The following R3HCC1L variants were observed in gnomAD, a reference collection of about 807,000 sequenced individuals.
The protein encoded by R3HCC1L is R3H domain and coiled-coil containing 1 like, also known as coiled-coil domain-containing protein R3HCC1L.
In R3HCC1L, 51 loss-of-function variants were observed where a neutral mutation model predicts 59.9. The ratio of observed to expected loss-of-function variants is 0.85; its 90% CI spans 0.68 to 1.07. R3HCC1L has a LOEUF of 1.07. R3HCC1L is among the 50% of genes least tolerant of loss of function. R3HCC1L has a pLI of 0.00. For synonymous variants in R3HCC1L, 322 were observed against 315.2 expected, an observed-to-expected ratio of 1.02 and a Z score of -0.23; for missense variants, 965 against 933.0, an observed-to-expected ratio of 1.03 and a Z score of -0.45.
chr10:98,187,849 A>G (rs549184448), intron 4 of R3HCC1L, among the ~76,000 whole-genome samples: 2 of 147,996 alleles, frequency 1.4e-5, no homozygotes, highest in African/African-American at 5.0e-5. Flanking sequence ...TGATCCTCCT[A>G]CCTCAGCCTC....
intron 4 of R3HCC1L, among the ~76,000 whole-genome samples, chr10:98,197,448 G>A (rs1851562905): frequency 6.6e-6 from 1 of 151,942 alleles, no homozygotes; most frequent in Non-Finnish European, 1.5e-5. Context: ...TTTCATCTCT[G>A]CTCCATTTTA....
intron 4 of R3HCC1L, among the ~76,000 whole-genome samples, chr10:98,203,207 G>T (rs943806224): frequency 1.3e-5 from 2 of 152,132 alleles, no homozygotes; most frequent in African/African-American, 4.8e-5. Context: ...CATGATGTCT[G>T]TAATTTGCCC....
chr10:98,146,039 C>G (rs546550868), intron 1 of R3HCC1L, among the ~76,000 whole-genome samples: 1 of 152,168 alleles, frequency 6.6e-6, no homozygotes, highest in South Asian at 2.1e-4. Flanking sequence ...CATCTATTTA[C>G]CATACATATT....
chr10:98,217,340 G>C (rs768121514), intron 5 of R3HCC1L, among the ~76,000 whole-genome samples: 29 of 152,128 alleles, frequency 1.9e-4, no homozygotes, highest in Non-Finnish European at 3.4e-4. Flanking sequence ...TGCATGAACA[G>C]AATAGGGTTC....
intron 1 of R3HCC1L, among the ~76,000 whole-genome samples, chr10:98,139,316 C>G (rs896526584): frequency 2.0e-5 from 3 of 152,128 alleles, no homozygotes; most frequent in African/African-American, 7.2e-5. Context: ...TATGATTAGC[C>G]GTCACACTAT....
intron 4 of R3HCC1L, chr10:98,174,497 A>G: frequency 1.3e-6 from 1 of 793,884 alleles, no homozygotes; most frequent in Non-Finnish European, 1.5e-6. Context: ...AGAAACTTGT[A>G]GAGTGTGAGA....
chr10:98,169,855 G>A (rs1024448140), intron 4 of R3HCC1L, among the ~76,000 whole-genome samples: 6 of 146,990 alleles, frequency 4.1e-5, no homozygotes, highest in African/African-American at 1.5e-4. Context: ...TCGAAGAATT[G>A]TCATTCCTTA....
chr10:98,201,164 T>A (rs1852003584), intron 4 of R3HCC1L, among the ~76,000 whole-genome samples: 1 of 152,204 alleles, frequency 6.6e-6, no homozygotes, highest in Non-Finnish European at 1.5e-5. Context: ...TAGATGTGGA[T>A]CCATTTTAGG....
chr10:98,205,861 T>G (rs956084784), intron 4 of R3HCC1L, among the ~76,000 whole-genome samples: 1 of 152,218 alleles, frequency 6.6e-6, no homozygotes, highest in Non-Finnish European at 1.5e-5. Context: ...AGAGTTTCTC[T>G]AGTATATGTC....
Position 98,234,155 on chromosome 10 carries a change from A to C in R3HCC1L, c.1962-291A>C, listed in dbSNP as rs546730952. ...TAAGAACATCTCTTGTAAATAGTGC[A>C]TTAAATACTTTACATCCCCAAGGGA... On this transcript the variant is annotated intron_variant, in intron 6 of 9. Transcript: ENST00000298999. Among the ~76,000 whole-genome samples the C allele has an allele frequency of 1.3e-4, 20 of 152,288 alleles. 1 individual carries two copies. In the South Asian group the frequency reaches 3.5e-3, roughly 27 times the overall value.
intron 1 of R3HCC1L, among the ~76,000 whole-genome samples, chr10:98,148,358 C>G (rs937871942): frequency 1.3e-5 from 2 of 152,084 alleles, no homozygotes; most frequent in Non-Finnish European, 2.9e-5. Flanking sequence ...TTCCTCCTTT[C>G]CAATTTGGTG....
chr10:98,147,524 A>G (rs930289183), intron 1 of R3HCC1L, among the ~76,000 whole-genome samples: 2 of 152,162 alleles, frequency 1.3e-5, no homozygotes, highest in African/African-American at 4.8e-5. Flanking sequence ...GTTTTCTTCT[A>G]ATAATTTGAT....
chr10:98,184,555 T>G (rs536909851), intron 4 of R3HCC1L, among the ~76,000 whole-genome samples: 86 of 152,304 alleles, frequency 5.6e-4, no homozygotes, highest in African/African-American at 2.0e-3. Flanking sequence ...TGTCATGTTC[T>G]CACAATGAAA....
intron 1 of R3HCC1L, among the ~76,000 whole-genome samples, chr10:98,136,189 A>T (rs1372029996): frequency 6.6e-6 from 1 of 152,114 alleles, no homozygotes; most frequent in Non-Finnish European, 1.5e-5. Flanking sequence ...AAGGGGTAAG[A>T]AAGTGTAGTT....
Position 98,234,382 on chromosome 10 carries a change from T to G in R3HCC1L, c.1962-64T>G. On this transcript the variant is annotated intron_variant, in intron 6 of 9. Transcript: ENST00000298999. The stretch of plus-strand genomic sequence containing the variant: ...TGTGAAATGCTTTATGAGATTCTAT[T>G]TGTGAGATGTTTCATAAAAGTAAAT... 3 of 1,375,926 alleles carry G rather than the reference T, an allele frequency of 2.2e-6. No homozygotes were observed. The South Asian group carries it at 3.6e-5, about 16-fold the overall frequency. 85.2% of individuals were successfully genotyped at this position (1,375,926 alleles called of 1,614,324 possible). A position where few individuals can be genotyped will look rare whatever the true frequency, so the allele number is the denominator to read the frequency against.
rs1208316111 is a variant in R3HCC1L at position 98,240,399 on chromosome 10, A to G, written c.2270-3692A>G. ...TCCAGATATTTGATTCCCACCTAAAACTGGACTTAGATATCGTTACCTCTC... is the reference window on the plus strand; with the variant it reads ...TCCAGATATTTGATTCCCACCTAAAGCTGGACTTAGATATCGTTACCTCTC... On this transcript the variant is annotated intron_variant, in intron 9 of 9. Coordinates refer to ENST00000298999, the MANE Select transcript of R3HCC1L (RefSeq NM_001351015.2). 1.8e-4 allele frequency among the ~76,000 whole-genome samples: 27 copies of G among 152,142 alleles called. 1 individual carries two copies. The highest frequency in any genetic ancestry group is 1.8e-3 in the Admixed American group (27 of 15,272).
intron 4 of R3HCC1L, among the ~76,000 whole-genome samples, chr10:98,206,348 C>T (rs1384893168): frequency 6.7e-6 from 1 of 150,082 alleles, no homozygotes; most frequent in African/African-American, 2.4e-5. Flanking sequence ...AAAAAACCTC[C>T]AAAAGAGATC....
At chr10:98,164,865 T>A (rs1052622648) in intron 4 of R3HCC1L, among the ~76,000 whole-genome samples, 1 of 152,206 alleles carries the variant, frequency 6.6e-6, no homozygotes, top group African/African-American at 2.4e-5. Context: ...GTTTTAGTTG[T>A]TGGGTTCTGC....
At chr10:98,235,572 C>T (rs1176252366) in intron 8 of R3HCC1L, 52 bp downstream of exon 8, 1 of 1,432,994 alleles carries the variant, frequency 7.0e-7, no homozygotes, top group Non-Finnish European at 9.6e-7. Context: ...TATTATTGTT[C>T]TTTCCAGAAG....
Sources: gnomAD v4.1 joint callset for allele counts (sites outside exome capture counted in the v4.1 genomes callset) on GRCh38, gnomAD v4.1.1 for gene constraint, MANE v1.5 for transcripts, NCBI Gene and HGNC (gene_info 2026-07-23, HGNC 2026-07-21) for gene names.